The following PAMR1 variants were observed in gnomAD, a reference collection of about 807,000 sequenced individuals.
PAMR1 encodes inactive serine protease PAMR1.
Under a neutral mutation model 81.8 loss-of-function variants are expected in PAMR1, and 88 were observed. That is an observed-to-expected ratio of 1.08 (90% CI 0.91 to 1.28). PAMR1 has a LOEUF of 1.28. Ranked by LOEUF, PAMR1 falls within the 50% of genes most tolerant of loss-of-function variation. The pLI is 0.00. For synonymous variants in PAMR1, 336 were observed against 345.3 expected, an observed-to-expected ratio of 0.97 and a Z score of 0.30; for missense variants, 935 against 919.7, an observed-to-expected ratio of 1.02 and a Z score of -0.21.
upstream of PAMR1, among the ~76,000 whole-genome samples, chr11:35,529,269 T>C (rs1005819988): frequency 2.0e-5 from 3 of 152,214 alleles, no homozygotes; most frequent in Non-Finnish European, 2.9e-5. Flanking sequence ...GCCATAGCCT[T>C]CTCATTTGCA....
intron 1 of PAMR1, among the ~76,000 whole-genome samples, chr11:35,520,524 T>A (rs1851252045): frequency 6.6e-6 from 1 of 152,240 alleles, no homozygotes; most frequent in South Asian, 2.1e-4. Context: ...TTTCTGCCAC[T>A]GATCTGGTGC....
At chr11:35,450,129 CAAAAAAAAAAAAA>C (rs60887441) in intron 6 of PAMR1, among the ~76,000 whole-genome samples, 16 of 43,052 alleles carry the variant, frequency 3.7e-4, no homozygotes, top group Admixed American at 1.3e-3. Flanking sequence ...TGCCTCCAGG[CAAAAAAAAAAAAA>C]AAAAAAAAAA....
intron 1 of PAMR1, among the ~76,000 whole-genome samples, chr11:35,512,510 T>C (rs373603955): frequency 1.3e-5 from 2 of 152,300 alleles, no homozygotes; most frequent in South Asian, 2.1e-4. Flanking sequence ...GACTTTACAG[T>C]TGAAGAAGAA....
intron 6 of PAMR1, among the ~76,000 whole-genome samples, chr11:35,442,673 G>T (rs1328710808): frequency 6.6e-6 from 1 of 151,424 alleles, no homozygotes; most frequent in Non-Finnish European, 1.5e-5. Flanking sequence ...GTACAGTGGC[G>T]CAATCTTGGC....
intron 1 of PAMR1, among the ~76,000 whole-genome samples, chr11:35,518,568 G>A (rs569923334): frequency 4.2e-5 from 6 of 142,074 alleles, no homozygotes; most frequent in Non-Finnish European, 7.8e-5. Flanking sequence ...AGGCTCTGTG[G>A]TCAAACAACT....
In PAMR1 at chr11:35,478,624, C is replaced by T. The variant is rs532052471; in HGVS notation, c.380-3880G>A. Among the ~76,000 whole-genome samples, 195 of 152,252 alleles carry T rather than the reference C, an allele frequency of 1.3e-3. 2 individuals carry two copies. The South Asian group carries it at 0.017, about 13-fold the overall frequency. On this transcript the variant is annotated intron_variant, in intron 3 of 10. Coordinates refer to ENST00000619888, the MANE Select transcript of PAMR1 (RefSeq NM_001001991.3). ...CTCTTGCCTCTACTTGGAGAGCTGG[C>T]GAGGCTGGGTGCAGGGGCAGCCTGA... is the stretch of plus-strand genomic sequence containing the variant.
Position 35,492,173 on chromosome 11 carries a change from C to T in PAMR1, c.251G>A (p.Gly84Asp), listed in dbSNP as rs1850644525. Residue 84 changes from glycine (G) to aspartate (D), a missense_variant and splice_region_variant, in exon 3 of 11, where the codon GGT becomes GAT. By Grantham distance (94) the Gly-to-Asp change is moderately conservative (BLOSUM62 -1). Transcript: ENST00000619888. ...CTTGCAGTTTTCAAAGATGGTACAA[C>T]CTGAAACATTCCCAAGAAGAGGAGT... ...NECDSCLIHP[G>D]CTIFENCKSC... The T allele has an allele frequency of 6.2e-7, 1 of 1,614,054 alleles. No homozygotes were observed. Among genetic ancestry groups the T allele is most frequent in the Non-Finnish European group, 8.5e-7 (1 of 1,179,974 alleles).
Position 35,436,074 on chromosome 11 carries a change from G to A in PAMR1, c.1162C>T (p.Pro388Ser), listed in dbSNP as rs777895987. The change falls in exon 9 of 11, where the codon CCT (proline) becomes TCT (serine). Residue 388 changes from proline to serine, a missense_variant. Physicochemically the swap from Pro to Ser is moderately conservative, Grantham distance 74 (BLOSUM62 -1). Transcript: ENST00000619888. ...AAGGGAAGGGCTGGCTTCTTGGTAG[G>A]GGCACTCTGCAGTTTCTGCTTGCTG... The part of the protein sequence containing the change: ...AFSKQKLQSA[P>S]TKKPALPFGD... The A allele has an allele frequency of 5.6e-6, 9 of 1,614,162 alleles. No homozygotes were observed. Among genetic ancestry groups the A allele is most frequent in the Admixed American group, 5.0e-5 (3 of 60,026 alleles).
chr11:35,445,672 A>C (rs903605089), intron 6 of PAMR1, among the ~76,000 whole-genome samples: 2 of 152,158 alleles, frequency 1.3e-5, no homozygotes, highest in Non-Finnish European at 2.9e-5. Context: ...TTGCATCCTG[A>C]GGATAAAGCC....
At chr11:35,527,666 C>T (rs1851414325), upstream of PAMR1, among the ~76,000 whole-genome samples, 1 of 152,170 alleles carries the variant, frequency 6.6e-6, no homozygotes, top group Admixed American at 6.5e-5. Context: ...TCCCAAATAA[C>T]TGTAGGCATA....
intron 6 of PAMR1, among the ~76,000 whole-genome samples, chr11:35,457,188 G>C (rs575996066): frequency 6.6e-6 from 1 of 152,240 alleles, no homozygotes; most frequent in East Asian, 1.9e-4. Context: ...TTGGTAGAAC[G>C]AGTAAAAAGG....
At chr11:35,437,620 C>T (rs1856079667) in intron 8 of PAMR1, among the ~76,000 whole-genome samples, 1 of 152,264 alleles carries the variant, frequency 6.6e-6, no homozygotes, top group African/African-American at 2.4e-5. Flanking sequence ...ATACCCTCCA[C>T]TTCAGCTGCC....
intron 3 of PAMR1, among the ~76,000 whole-genome samples, chr11:35,486,310 T>G (rs1210068050): frequency 6.6e-6 from 1 of 152,208 alleles, no homozygotes; most frequent in African/African-American, 2.4e-5. Context: ...TCGGATAGAA[T>G]CTGACCATTA....
In PAMR1 at chr11:35,494,162, C is replaced by T. The variant is rs1850678275; in HGVS notation, c.184G>A (p.Val62Met). ...ECVCPGKREV[V>M]GYTIPCCRNE... ...CTGCAGCAAGGGATGGTATAACCCA[C>T]GACTTCCCTCTTTCCGGGGCAGACG... The change falls in exon 2 of 11, where the codon GTG becomes ATG. Residue 62 changes from valine to methionine, a missense_variant. Val to Met is a conservative substitution (Grantham distance 21). Transcript: ENST00000619888. 6.2e-7 allele frequency: 1 copy of T among 1,613,944 alleles called. No individual in the cohort carries two copies. The highest frequency in any genetic ancestry group is 1.1e-5 in the South Asian group (1 of 91,082).
At position 35,432,490 on chromosome 11, in the gene PAMR1, C is replaced by T; in HGVS notation, c.2029G>A (p.Ala677Thr). 1 of 1,614,222 alleles carries T rather than the reference C, an allele frequency of 6.2e-7. No individual in the cohort carries two copies. Among genetic ancestry groups the T allele is most frequent in the Non-Finnish European group, 8.5e-7 (1 of 1,180,046 alleles). ...AGATGCCAGCGTGGCTCAGGAGATG[C>T]TCGTCCCGGGAAGGACACAGCCGCG... ...GIAAVSFPGR[A>T]SPEPRWHLMG... The change falls in exon 11 of 11, where the codon GCA becomes ACA. Residue 677 changes from alanine (A) to threonine (T), a missense_variant. Transcript: ENST00000619888.
chr11:35,526,494 A>G (rs1039650967), upstream of PAMR1, among the ~76,000 whole-genome samples: 3 of 152,210 alleles, frequency 2.0e-5, no homozygotes, highest in Non-Finnish European at 2.9e-5. Context: ...GACTTTTTAA[A>G]ATAAACTCCT....
upstream of PAMR1, chr11:35,525,674 C>T (rs1178278180): frequency 1.9e-6 from 2 of 1,079,812 alleles, no homozygotes; most frequent in Non-Finnish European, 2.8e-6. Flanking sequence ...ACAGGGACCT[C>T]CCCGAGCCCC....
chr11:35,441,991 C>A (rs989873926), intron 6 of PAMR1, among the ~76,000 whole-genome samples: 1 of 152,082 alleles, frequency 6.6e-6, no homozygotes, highest in South Asian at 2.1e-4. Context: ...ACTAGGCAGC[C>A]CTGAGTAAAA....
upstream of PAMR1, among the ~76,000 whole-genome samples, chr11:35,529,522 T>C (rs1298731642): frequency 6.6e-6 from 1 of 152,238 alleles, no homozygotes; most frequent in African/African-American, 2.4e-5. Context: ...GATGGACCAC[T>C]CGCTACCTGT....
Sources: gnomAD v4.1 joint callset for allele counts (sites outside exome capture counted in the v4.1 genomes callset) on GRCh38, gnomAD v4.1.1 for gene constraint, MANE v1.5 for transcripts, NCBI Gene and HGNC (gene_info 2026-07-23, HGNC 2026-07-21) for gene names.